Variants in WDPCP observed in about 807,000 individuals in gnomAD.
WDPCP encodes WD repeat-containing and planar cell polarity effector protein fritz homolog.
Under a neutral mutation model 93.1 loss-of-function variants are expected in WDPCP, and 71 were observed. The ratio of observed to expected loss-of-function variants is 0.76; its 90% confidence interval spans 0.63 to 0.93. WDPCP has a LOEUF of 0.93. WDPCP is among the 40% of genes least tolerant of loss of function. The pLI is 0.00. For missense variants in WDPCP, 844 were observed against 887.4 expected (o/e 0.95, Z 0.62); for synonymous variants, 315 against 315.0 (o/e 1.00, Z 0.00).
chr2:63,722,830 T>C lies in WDPCP; in HGVS notation n.309-71992A>G, dbSNP rs552099126. Among the ~76,000 whole-genome samples the C allele has an allele frequency of 1.2e-4, 18 of 152,188 alleles. No homozygotes were observed. In the East Asian group the frequency reaches 3.3e-3, roughly 28 times the overall value. ...CGGGCCAGGATGACAATGGCGGCTTTGTGGAATAGAAAGGCGAGAAAGGTG... is the reference window on the plus strand; with the variant it reads ...CGGGCCAGGATGACAATGGCGGCTTCGTGGAATAGAAAGGCGAGAAAGGTG... On this transcript the variant is annotated intron_variant and non_coding_transcript_variant, in intron 2 of 4. Coordinates refer to the WDPCP transcript ENST00000467687.
intron 1 of WDPCP, among the ~76,000 whole-genome samples, chr2:63,548,788 C>G (rs2106342385): frequency 6.6e-6 from 1 of 151,844 alleles, no homozygotes; most frequent in Non-Finnish European, 1.5e-5. Context: ...AGCCATCATG[C>G]CCAGCAAAAC....
At chr2:63,314,524 C>T (rs1686483473) in intron 12 of WDPCP, among the ~76,000 whole-genome samples, 2 of 152,054 alleles carry the variant, frequency 1.3e-5, no homozygotes, top group Non-Finnish European at 2.9e-5. Context: ...CCTTTGGTCC[C>T]ATCTAATTCT....
intron 6 of WDPCP, among the ~76,000 whole-genome samples, chr2:63,473,286 A>G (rs748016860): frequency 3.9e-5 from 6 of 152,168 alleles, no homozygotes; most frequent in Non-Finnish European, 8.8e-5. Context: ...TGGAGCAGGG[A>G]AAGAGTTGGG....
At chr2:63,697,451 G>A (rs1470427399) in intron 2 of WDPCP, among the ~76,000 whole-genome samples, 1 of 152,042 alleles carries the variant, frequency 6.6e-6, no homozygotes, top group African/African-American at 2.4e-5. Flanking sequence ...GGAAAAAGCA[G>A]GCTAAAAAAC....
At chr2:63,801,909 T>C (rs1670701766) in intron 2 of WDPCP, among the ~76,000 whole-genome samples, 3 of 152,176 alleles carry the variant, frequency 2.0e-5, no homozygotes, top group African/African-American at 7.2e-5. Flanking sequence ...AGTCACACAT[T>C]GTCACTTATG....
At chr2:63,435,837 T>A (rs1016783318) in intron 8 of WDPCP, among the ~76,000 whole-genome samples, 1 of 152,140 alleles carries the variant, frequency 6.6e-6, no homozygotes, top group Non-Finnish European at 1.5e-5. Flanking sequence ...ACTTCTCTAA[T>A]GTATAGGAAT....
At chr2:63,214,605 G>T (rs781060367) in intron 14 of WDPCP, among the ~76,000 whole-genome samples, 3 of 152,174 alleles carry the variant, frequency 2.0e-5, no homozygotes, top group African/African-American at 4.8e-5. Context: ...TCAACATAGT[G>T]TTGGAAGTAC....
At chr2:63,624,599 T>C (rs543564166) in intron 3 of WDPCP, among the ~76,000 whole-genome samples, 1 of 152,302 alleles carries the variant, frequency 6.6e-6, no homozygotes, top group East Asian at 1.9e-4. Context: ...GATACATTCC[T>C]GCACATATAC....
intron 14 of WDPCP, among the ~76,000 whole-genome samples, chr2:63,222,878 T>C (rs1677961386): frequency 6.6e-6 from 1 of 152,174 alleles, no homozygotes; most frequent in Admixed American, 6.5e-5. Context: ...CATATACATG[T>C]GTTCATTATG....
chr2:63,202,823 A>G lies in WDPCP; in HGVS notation c.1916-27991T>C, dbSNP rs114491187. 1.1e-3 allele frequency among the ~76,000 whole-genome samples: 162 copies of G among 152,120 alleles called. 1 individual carries two copies. Among genetic ancestry groups the G allele is most frequent in the Admixed American group, 2.8e-3 (43 of 15,270 alleles). On this transcript the variant is annotated intron_variant, in intron 14 of 17. Coordinates refer to ENST00000272321, the MANE Select transcript of WDPCP (RefSeq NM_015910.7). ...CTTTATTTTCAACCATTCTAAATCA[A>G]TCTCTCATTCTTCCTCCTCCTCCTT...
At position 63,240,597 on chromosome 2, in the gene WDPCP, C is replaced by T. The variant is rs368973285; in HGVS notation, c.1915+18710G>A. 7.9e-5 allele frequency among the ~76,000 whole-genome samples: 12 copies of T among 152,246 alleles called. No homozygotes were observed. In the East Asian group the frequency reaches 1.2e-3, roughly 15 times the overall value. ...TACTCCACACTAGCTACATTGGACA[C>T]GTATTCTGTTTATTCTTTAACTACA... On this transcript the variant is annotated intron_variant, in intron 14 of 17. Coordinates refer to ENST00000272321, the MANE Select transcript of WDPCP (RefSeq NM_015910.7).
chr2:63,464,561 G>A (rs926611819), intron 6 of WDPCP, among the ~76,000 whole-genome samples: 2 of 152,018 alleles, frequency 1.3e-5, no homozygotes, highest in African/African-American at 4.8e-5. Flanking sequence ...TGAAAGCGGG[G>A]TCTTGAAGAG....
chr2:63,409,332 A>G (rs182920217), intron 9 of WDPCP, among the ~76,000 whole-genome samples: 89 of 152,340 alleles, frequency 5.8e-4, no homozygotes, highest in African/African-American at 1.9e-3. Context: ...AGGAAGCCAC[A>G]TCCATAGGAA....
At chr2:63,540,686 T>C (rs572551948) in intron 1 of WDPCP, among the ~76,000 whole-genome samples, 2 of 152,336 alleles carry the variant, frequency 1.3e-5, no homozygotes, top group East Asian at 3.9e-4. Flanking sequence ...ATTTTCCTAA[T>C]TAAAACGATT....
rs1425577391 is a variant in WDPCP, at chr2:63,716,943, CTGAACTAGGCTGCCCACAT to C, written n.309-66124_309-66106del. Among the ~76,000 whole-genome samples the C allele has an allele frequency of 3.9e-5, 6 of 152,308 alleles. No individual in the cohort carries two copies. The South Asian group carries it at 6.2e-4, about 16-fold the overall frequency. ...TATTACGAATTCAGTGCTACATGTA[CTGAACTAGGCTGCCCACAT>C]TTGGAAGCTCAGTTAATATAAAATA... On this transcript the variant is annotated intron_variant and non_coding_transcript_variant, in intron 2 of 4. Transcript: ENST00000467687.
At chr2:63,550,880 A>T (rs576867707) in intron 1 of WDPCP, among the ~76,000 whole-genome samples, 2 of 152,128 alleles carry the variant, frequency 1.3e-5, no homozygotes, top group Admixed American at 6.6e-5. Context: ...TTATAACGTT[A>T]CTTACCAAGG....
intron 1 of WDPCP, among the ~76,000 whole-genome samples, chr2:63,570,012 T>G (rs1037020577): frequency 6.6e-6 from 1 of 152,186 alleles, no homozygotes; most frequent in Admixed American, 6.5e-5. Flanking sequence ...CTTCTGTTAG[T>G]AGGGCCATTT....
intron 12 of WDPCP, among the ~76,000 whole-genome samples, chr2:63,350,551 C>T (rs1689524768): frequency 6.6e-6 from 1 of 152,058 alleles, no homozygotes; most frequent in African/African-American, 2.4e-5. Flanking sequence ...TCTGAGCCAA[C>T]CCATTGTCAG....
At chr2:63,456,342 G>A (rs1450286333) in intron 6 of WDPCP, among the ~76,000 whole-genome samples, 1 of 152,004 alleles carries the variant, frequency 6.6e-6, no homozygotes, top group African/African-American at 2.4e-5. Flanking sequence ...ACTTGAACCC[G>A]GGAGGCAGTG....
Sources: gnomAD v4.1 joint callset for allele counts (sites outside exome capture counted in the v4.1 genomes callset) on GRCh38, gnomAD v4.1.1 for gene constraint, MANE v1.5 for transcripts, NCBI Gene and HGNC (gene_info 2026-07-23, HGNC 2026-07-21) for gene names.